Variants in PBX4 observed in about 807,000 individuals in gnomAD.
The protein encoded by PBX4 is pre-B-cell leukemia transcription factor 4.
Under a neutral mutation model 35.1 loss-of-function variants are expected in PBX4, and 26 were observed. That is an observed-to-expected ratio of 0.74 (90% CI 0.54 to 1.03). PBX4 has a LOEUF of 1.03. Among genes scored for constraint, PBX4 ranks in the 50% least tolerant of loss-of-function variants. The probability of loss-of-function intolerance (pLI) is 0.00; values close to 1 mark genes in which losing one functional copy is unlikely to be tolerated. For synonymous variants in PBX4, 199 were observed against 204.2 expected, an observed-to-expected ratio of 0.97 and a Z score of 0.22; for missense variants, 448 against 504.3, an observed-to-expected ratio of 0.89 and a Z score of 1.07.
intron 2 of PBX4, among the ~76,000 whole-genome samples, chr19:19,571,052 C>T (rs752057951): frequency 5.3e-5 from 8 of 152,298 alleles, no homozygotes; most frequent in Admixed American, 3.3e-4. Flanking sequence ...TGGGGAGGAA[C>T]GGGGAGACAC....
At chr19:19,578,214 G>A (rs1261370654) in intron 2 of PBX4, among the ~76,000 whole-genome samples, 2 of 150,452 alleles carry the variant, frequency 1.3e-5, no homozygotes, top group Non-Finnish European at 3.0e-5. Context: ...ATGCATTTTT[G>A]CTATATATGT....
chr19:19,564,830 C>A, intron 6 of PBX4, 103 bp downstream of exon 6: 1 of 1,405,668 alleles, frequency 7.1e-7, no homozygotes. Flanking sequence ...CAGAGTTGAC[C>A]ACTGGGGGAA....
chr19:19,569,979 A>C, intron 4 of PBX4, 130 bp downstream of exon 4: 1 of 809,380 alleles, frequency 1.2e-6, no homozygotes, highest in Non-Finnish European at 1.8e-6. Flanking sequence ...CTTCTTCCCA[A>C]GAGGCTGTGA....
intron 1 of PBX4, among the ~76,000 whole-genome samples, chr19:19,617,750 C>G (rs931532980): frequency 1.3e-5 from 2 of 152,134 alleles, no homozygotes; most frequent in African/African-American, 4.8e-5. Flanking sequence ...TCTACTAACC[C>G]TTTTCCCAAA....
In PBX4 at chr19:19,618,593, C is replaced by CG; in HGVS notation, c.36dup (p.Ala13ArgfsTer47). 1 of 1,292,576 alleles carries CG rather than the reference C, an allele frequency of 7.7e-7. No individual in the cohort carries two copies. Among genetic ancestry groups the CG allele is most frequent in the Non-Finnish European group, 9.8e-7 (1 of 1,018,056 alleles). The allele number at this position is 1,292,576 out of a possible 1,614,324, so 80.1% of individuals were successfully genotyped here. A position where few individuals can be genotyped will look rare whatever the true frequency, so the allele number is the denominator to read the frequency against. On this transcript the variant is annotated frameshift_variant, in exon 1 of 8. Coordinates refer to ENST00000251203, the MANE Select transcript of PBX4 (RefSeq NM_025245.3). LOFTEE classifies it high-confidence loss of function. ...TCGCTCGTGTCGAGGCGCCGCGGGG[C>CG]GGGGGGCGATGGCGCGGGGCGCGGC... is the stretch of plus-strand genomic sequence containing the variant.
chr19:19,584,826 A>G (rs1441310926), intron 2 of PBX4, among the ~76,000 whole-genome samples: 1 of 151,432 alleles, frequency 6.6e-6, no homozygotes, highest in African/African-American at 2.4e-5. Context: ...GGGTTTCACT[A>G]TGTTGGCCAG....
chr19:19,569,388 C>A (rs2061365572), intron 5 of PBX4, 61 bp downstream of exon 5: 1 of 1,557,812 alleles, frequency 6.4e-7, no homozygotes, highest in Non-Finnish European at 8.7e-7. Flanking sequence ...TGGGTGTCCT[C>A]ATGGGACCTA....
chr19:19,573,432 C>T (rs2061399621), intron 2 of PBX4, among the ~76,000 whole-genome samples: 2 of 147,970 alleles, frequency 1.4e-5, no homozygotes, highest in African/African-American at 2.5e-5. Flanking sequence ...TTGGAAAAAG[C>T]AATATGAGAA....
intron 2 of PBX4, among the ~76,000 whole-genome samples, chr19:19,592,934 G>A (rs1383395112): frequency 6.6e-6 from 1 of 152,126 alleles, no homozygotes; most frequent in African/African-American, 2.4e-5. Context: ...GTGGGTGACT[G>A]GTGTGCCCTG....
At chr19:19,602,874 A>T (rs2061606527) in intron 1 of PBX4, among the ~76,000 whole-genome samples, 1 of 152,122 alleles carries the variant, frequency 6.6e-6, no homozygotes, top group Non-Finnish European at 1.5e-5. Flanking sequence ...AAAAGCCCAC[A>T]TTCCCAATCA....
intron 5 of PBX4, among the ~76,000 whole-genome samples, chr19:19,567,828 T>A (rs1005889825): frequency 1.3e-5 from 2 of 148,708 alleles, no homozygotes; most frequent in Non-Finnish European, 3.0e-5. Flanking sequence ...CTCCACAGCA[T>A]CCCCCAGGGA....
chr19:19,593,817 C>T (rs1043429708), intron 2 of PBX4, among the ~76,000 whole-genome samples: 1 of 152,126 alleles, frequency 6.6e-6, no homozygotes, highest in Admixed American at 6.6e-5. Flanking sequence ...CCTTGGGACT[C>T]AGCTTGGAGG....
chr19:19,569,277 C>G (rs1218697207), intron 5 of PBX4, among the ~76,000 whole-genome samples, 172 bp downstream of exon 5: 1 of 152,072 alleles, frequency 6.6e-6, no homozygotes, highest in Non-Finnish European at 1.5e-5. Context: ...CCAGGCTGGT[C>G]TCGAACTCCT....
Position 19,563,853 on chromosome 19 carries a change from G to T in PBX4, c.926-238C>A. ...AAGACAGTCTCGCTCTGTCACCCAG[G>T]CTTGAGTGCAGTGGCACGATCTTGG... On this transcript the variant is annotated intron_variant, in intron 6 of 7. Coordinates refer to ENST00000251203, the MANE Select transcript of PBX4 (RefSeq NM_025245.3). The surrounding 1 kb of genome is among the most constrained non-coding windows in gnomAD (Gnocchi z 5.1). 2.5e-6 allele frequency: 1 copy of T among 401,644 alleles called. No homozygotes were observed. Among genetic ancestry groups the T allele is most frequent in the Non-Finnish European group, 4.7e-6 (1 of 213,244 alleles). The allele number at this position is 401,644 out of a possible 1,614,324, so 24.9% of individuals were successfully genotyped here. A position where few individuals can be genotyped will look rare whatever the true frequency, so the allele number is the denominator to read the frequency against.
chr19:19,609,549 GAAAAA>G (rs11300224), intron 1 of PBX4, among the ~76,000 whole-genome samples: 1,809 of 85,034 alleles, frequency 0.021, 59 homozygotes, highest in Admixed American at 0.11. Flanking sequence ...AAATCCATAT[GAAAAA>G]AAAAAAAAAA....
intron 2 of PBX4, 88 bp downstream of exon 2, chr19:19,599,204 T>G (rs2061580447): frequency 9.0e-7 from 1 of 1,116,184 alleles, no homozygotes. Context: ...CAGCCTCAGG[T>G]GATCTGCCCG....
At chr19:19,579,913 G>C (rs62137783) in intron 2 of PBX4, 1 of 152,174 alleles carries the variant, frequency 6.6e-6, no homozygotes, top group Non-Finnish European at 1.5e-5. Context: ...CCAATCAATC[G>C]ATCGTGGAGG....
intron 1 of PBX4, among the ~76,000 whole-genome samples, chr19:19,614,510 C>T (rs2061678556): frequency 6.6e-6 from 1 of 151,682 alleles, no homozygotes; most frequent in Admixed American, 6.6e-5. Flanking sequence ...TGGTGCACAC[C>T]TGTAATCCCA....
At chr19:19,583,458 A>G (rs971641796) in intron 2 of PBX4, among the ~76,000 whole-genome samples, 2 of 151,918 alleles carry the variant, frequency 1.3e-5, no homozygotes. Context: ...AAAAAATTTT[A>G]AAAAATGAGT....
Sources: allele counts gnomAD v4.1 joint callset (sites outside exome capture counted in the v4.1 genomes callset), GRCh38; gene constraint gnomAD v4.1.1; non-coding constraint Gnocchi (gnomAD v3.1); transcripts MANE v1.5; gene names NCBI Gene and HGNC (gene_info 2026-07-23, HGNC 2026-07-21).